ZC3H3: variants seen among roughly 807,000 people sequenced by gnomAD.
ZC3H3 encodes zinc finger CCCH domain-containing protein 3.
A neutral mutation model predicts 77.3 loss-of-function variants in ZC3H3; 36 were observed. The observed-to-expected ratio is 0.47, with a 90% CI of 0.36 to 0.61. The LOEUF (loss-of-function observed/expected upper bound fraction) is 0.61. Among genes scored for constraint, ZC3H3 ranks in the 20% least tolerant of loss-of-function variants. The pLI, the probability that ZC3H3 is intolerant of heterozygous loss-of-function variation, is 0.00. For missense variants in ZC3H3, 1,331 were observed against 1,312.2 expected, an observed-to-expected ratio of 1.01 and a Z score of -0.22; for synonymous variants, 626 against 555.2, an observed-to-expected ratio of 1.13 and a Z score of -1.79.
intron 3 of ZC3H3, among the ~76,000 whole-genome samples, chr8:143,524,003 T>C (rs1172670504): frequency 6.6e-6 from 1 of 152,164 alleles, no homozygotes; most frequent in Non-Finnish European, 1.5e-5. Flanking sequence ...CAGACACAGC[T>C]AGCCAGCGGG....
intron 4 of ZC3H3, among the ~76,000 whole-genome samples, chr8:143,498,878 G>A (rs1347702187): frequency 2.3e-5 from 3 of 130,276 alleles, no homozygotes; most frequent in East Asian, 2.3e-4. Context: ...GGTACAGGGC[G>A]GGGCGGAGGG....
intron 9 of ZC3H3, among the ~76,000 whole-genome samples, chr8:143,464,415 G>A (rs1273485358): frequency 1.3e-5 from 2 of 152,232 alleles, no homozygotes; most frequent in Non-Finnish European, 2.9e-5. Context: ...TGGGGAGCCC[G>A]GCCTGGCCAA....
At chr8:143,447,863 G>A (rs1007427926) in intron 9 of ZC3H3, among the ~76,000 whole-genome samples, 1 of 152,224 alleles carries the variant, frequency 6.6e-6, no homozygotes, top group Non-Finnish European at 1.5e-5. Context: ...GCCGGGTGTC[G>A]TGGCTCATGC....
intron 3 of ZC3H3, among the ~76,000 whole-genome samples, chr8:143,516,318 A>T (rs1040292723): frequency 6.6e-6 from 1 of 152,138 alleles, no homozygotes. Flanking sequence ...GAGCCCCTGT[A>T]TGTGGTGGTG....
intron 11 of ZC3H3, among the ~76,000 whole-genome samples, chr8:143,438,923 AG>A (rs1819653540): frequency 6.6e-6 from 1 of 152,180 alleles, no homozygotes; most frequent in African/African-American, 2.4e-5. Context: ...CCGCTCCAGC[AG>A]CAGCTCCAGC....
chr8:143,459,804 A>G (rs939041755), intron 9 of ZC3H3, among the ~76,000 whole-genome samples: 2 of 152,188 alleles, frequency 1.3e-5, no homozygotes, highest in Admixed American at 1.3e-4. Flanking sequence ...ATAGGATAGA[A>G]GGCAACTTCC....
Position 143,465,862 on chromosome 8 carries a change from C to A in ZC3H3, c.2176-14G>T, listed in dbSNP as rs752061576. The A allele has an allele frequency of 2.5e-6, 4 of 1,606,392 alleles. No homozygotes were observed. The highest frequency in any genetic ancestry group is 4.5e-5 in the East Asian group (2 of 44,844). On this transcript the variant is annotated splice_polypyrimidine_tract_variant and intron_variant, in intron 8 of 11. Coordinates refer to ENST00000262577, the MANE Select transcript of ZC3H3 (RefSeq NM_015117.3). Reference sequence around the variant, plus strand: ...GCACACCGGCATCTGCAGGGAGGGCCGGCAGTGAGGGCCAGCAGGCAGCCA... The same window carrying A: ...GCACACCGGCATCTGCAGGGAGGGCAGGCAGTGAGGGCCAGCAGGCAGCCA...
intron 3 of ZC3H3, among the ~76,000 whole-genome samples, chr8:143,527,011 G>A (rs1284103365): frequency 6.6e-6 from 1 of 152,164 alleles, no homozygotes; most frequent in East Asian, 1.9e-4. Context: ...GGACAGGCGG[G>A]CAGAGTGGGA....
At chr8:143,484,884 A>G (rs1180707887) in intron 4 of ZC3H3, 1 of 455,560 alleles carries the variant, frequency 2.2e-6, no homozygotes, top group Admixed American at 2.4e-5. Context: ...AATCCGGCTC[A>G]GCTCCCTGGA....
At chr8:143,505,423 G>A (rs1002955405) in intron 4 of ZC3H3, among the ~76,000 whole-genome samples, 1 of 152,212 alleles carries the variant, frequency 6.6e-6, no homozygotes, top group African/African-American at 2.4e-5. Flanking sequence ...GCCCAGGCAC[G>A]CAAACAGGCA....
At position 143,494,679 on chromosome 8, in the gene ZC3H3, A is replaced by G. The variant is rs410836; in HGVS notation, c.1715+13067T>C. On this transcript the variant is annotated intron_variant, in intron 4 of 11. Coordinates refer to ENST00000262577, the MANE Select transcript of ZC3H3 (RefSeq NM_015117.3). This position sits in a 1 kb window ranked among gnomAD's most constrained non-coding sequence, Gnocchi z 5.3. ...CGAGGGGATGGGAGCACAGGAACAC[A>G]GCCCCCAGAGGGCCAGGAGCCCCCA... Among the ~76,000 whole-genome samples, 111,776 of 152,090 alleles carry G rather than the reference A, an allele frequency of 0.73. 41,356 individuals are homozygous for G. The highest frequency in any genetic ancestry group is 0.96 in the East Asian group (4,956 of 5,168).
At chr8:143,480,931 C>T (rs1423907197) in intron 4 of ZC3H3, among the ~76,000 whole-genome samples, 1 of 152,172 alleles carries the variant, frequency 6.6e-6, no homozygotes, top group Non-Finnish European at 1.5e-5. Context: ...GGAAGCAGCC[C>T]AGCACCCAGG....
Position 143,440,154 on chromosome 8 carries a change from G to A in ZC3H3, c.2702C>T (p.Ala901Val), listed in dbSNP as rs777365051. The A allele has an allele frequency of 1.2e-5, 19 of 1,611,996 alleles. No individual in the cohort carries two copies. Among genetic ancestry groups the A allele is most frequent in the East Asian group, 4.5e-5 (2 of 44,850 alleles). The change falls in exon 11 of 12, where the codon GCG becomes GTG. Residue 901 changes from alanine to valine, a missense_variant. Ala to Val is a moderately conservative substitution (Grantham distance 64). Around this residue, in one of 3 missense-constraint regions of ZC3H3, gnomAD observed 249 missense variants for 236.9 expected, o/e 1.05. Transcript: ENST00000262577. ...CAGCTTGCAGAGCCTGTTGGAGCAC[G>A]CTGCTGCTAAGGCAGCCTCCTGGAG... ...PSLQEAALAA[A>V]CSNRLCKLPS...
chr8:143,538,994 T>A lies in ZC3H3; in HGVS notation c.373A>T (p.Ile125Phe). Residue 125 changes from isoleucine to phenylalanine, a missense_variant, in exon 2 of 12, where the codon ATC becomes TTC. Ile to Phe is a conservative substitution (Grantham distance 21). Around this residue, in one of 3 missense-constraint regions of ZC3H3, gnomAD observed 978 missense variants for 915.5 expected, o/e 1.07. Coordinates refer to ENST00000262577, the MANE Select transcript of ZC3H3 (RefSeq NM_015117.3). ...GACTTTGATGGCGGTTTAACTTTGA[T>A]GACCACGTTCTGACCCTGACTGAGC... Reference protein sequence around the residue: ...VQLSQGQNVVIKVKPPSKSGS... With the variant: ...VQLSQGQNVVFKVKPPSKSGS... 6.2e-7 allele frequency: 1 copy of A among 1,613,062 alleles called. No homozygotes were observed.
chr8:143,523,591 T>A, intron 3 of ZC3H3: 1 of 959,598 alleles, frequency 1.0e-6, no homozygotes, highest in South Asian at 4.8e-5. Flanking sequence ...CAGCTCAGAA[T>A]TCCAGGACAT....
At chr8:143,479,569 G>A (rs906454463) in intron 4 of ZC3H3, among the ~76,000 whole-genome samples, 3 of 152,224 alleles carry the variant, frequency 2.0e-5, no homozygotes, top group Non-Finnish European at 2.9e-5. Context: ...ATGAAGGCCA[G>A]GGAGGGAACA....
chr8:143,474,103 C>T (rs761356096), intron 5 of ZC3H3, among the ~76,000 whole-genome samples: 1 of 152,222 alleles, frequency 6.6e-6, no homozygotes, highest in Admixed American at 6.5e-5. Context: ...CCAGCTCCTG[C>T]ACTGAGCACC....
At chr8:143,505,330 T>C (rs1476506294) in intron 4 of ZC3H3, among the ~76,000 whole-genome samples, 4 of 152,298 alleles carry the variant, frequency 2.6e-5, no homozygotes, top group Non-Finnish European at 5.9e-5. Flanking sequence ...CAGCCCTGGC[T>C]CTGATGCAGC....
chr8:143,489,516 G>T (rs1028133351), intron 4 of ZC3H3, among the ~76,000 whole-genome samples: 1 of 152,188 alleles, frequency 6.6e-6, no homozygotes, highest in Non-Finnish European at 1.5e-5. Context: ...GGGGCCAGGG[G>T]AGGAGCTGGC....
Sources: gnomAD v4.1 joint callset for allele counts (sites outside exome capture counted in the v4.1 genomes callset) on GRCh38, gnomAD v4.1.1 for gene constraint, gnomAD v4.1.1 regional missense constraint, Gnocchi (gnomAD v3.1) non-coding constraint, MANE v1.5 for transcripts, NCBI Gene and HGNC (gene_info 2026-07-23, HGNC 2026-07-21) for gene names.